Variants in MAS1 observed in about 807,000 individuals in gnomAD.
MAS1 encodes the protein MAS1 proto-oncogene, G protein-coupled receptor.
For missense variants in MAS1, 387 were observed against 409.7 expected (o/e 0.94, Z 0.48); for synonymous variants, 163 against 164.2 (o/e 0.99, Z 0.05).
Position 159,917,369 on chromosome 6 carries a change from A to G in MAS1, c.*9436A>G, listed in dbSNP as rs1783039985. On this transcript the variant is annotated 3_prime_UTR_variant, in exon 3 of 3. Transcript: ENST00000674077. ...CTCAGGGACCATTTTGTTCACTTGT[A>G]TCAAACTATATTCTCTGGATTCAGA... 6.6e-6 allele frequency among the ~76,000 whole-genome samples: 1 copy of G among 152,226 alleles called. No homozygotes were observed. Among genetic ancestry groups the G allele is most frequent in the African/African-American group, 2.4e-5 (1 of 41,458 alleles).
At position 159,911,261 on chromosome 6, in the gene MAS1, A is replaced by C. The variant is rs1359939253; in HGVS notation, c.*3328A>C. ...AATCATCTAATGGACTTTTTGACCC[A>C]ATGTCCTGCAGGTGCTTGTAACCCA... On this transcript the variant is annotated 3_prime_UTR_variant, in exon 3 of 3. Coordinates refer to ENST00000674077, the MANE Select transcript of MAS1 (RefSeq NM_002377.4). The C allele has an allele frequency of 2.0e-5, 3 of 151,028 alleles. No individual in the cohort carries two copies. Among genetic ancestry groups the C allele is most frequent in the Non-Finnish European group, 2.9e-5 (2 of 67,986 alleles). 9.4% of individuals were successfully genotyped at this position (151,028 alleles called of 1,614,324 possible).
In MAS1 at chr6:159,914,332, T is replaced by C. The variant is rs1782997401; in HGVS notation, c.*6399T>C. ...GTCGATCCCCGTGCAATTGAGAAGA[T>C]AGTCACCTCTGACAGTTTTTTAAGG... is the stretch of plus-strand genomic sequence containing the variant. On this transcript the variant is annotated 3_prime_UTR_variant, in exon 3 of 3. Transcript: ENST00000674077. The C allele has an allele frequency of 6.6e-6, 1 of 152,184 alleles. No individual in the cohort carries two copies. The highest frequency in any genetic ancestry group is 2.1e-4 in the South Asian group (1 of 4,816). The allele number at this position is 152,184 out of a possible 1,614,324, so 9.4% of individuals were successfully genotyped here.
At chr6:159,896,480 C>G (rs538523263) in intron 1 of MAS1, among the ~76,000 whole-genome samples, 6 of 151,988 alleles carry the variant, frequency 3.9e-5, no homozygotes, top group African/African-American at 1.5e-4. Context: ...TAAAAACGAG[C>G]GTGTGTAAGA....
upstream of MAS1, among the ~76,000 whole-genome samples, chr6:159,890,524 T>A (rs1306845891): frequency 6.6e-6 from 1 of 152,204 alleles, no homozygotes; most frequent in Non-Finnish European, 1.5e-5. Context: ...GAAACTGGGT[T>A]GGAGAAGGGA....
intron 1 of MAS1, among the ~76,000 whole-genome samples, chr6:159,893,860 G>A (rs1180169926): frequency 6.6e-6 from 1 of 152,080 alleles, no homozygotes; most frequent in Non-Finnish European, 1.5e-5. Flanking sequence ...AAGGAACCAG[G>A]GCTCCTTGGA....
intron 1 of MAS1, among the ~76,000 whole-genome samples, chr6:159,898,668 T>TCCTCTCCCTCCTCCTC (rs1782788432): frequency 2.1e-5 from 1 of 48,470 alleles, no homozygotes; most frequent in Admixed American, 2.5e-4. Context: ...CCCTCCTCCT[T>TCCTCTCCCTCCTCCTC]CCTCTTCCTC....
chr6:159,892,915 T>C (rs928614455), intron 1 of MAS1, among the ~76,000 whole-genome samples: 1 of 152,200 alleles, frequency 6.6e-6, no homozygotes, highest in African/African-American at 2.4e-5. Context: ...AATGCCAGCA[T>C]GTGAAGCAGT....
At chr6:159,889,349 C>T (rs1407554718), upstream of MAS1, among the ~76,000 whole-genome samples, 1 of 152,204 alleles carries the variant, frequency 6.6e-6, no homozygotes, top group Admixed American at 6.5e-5. Flanking sequence ...CAGGGTTTCA[C>T]AGCACCCATG....
At chr6:159,896,800 T>C (rs1232168556) in intron 1 of MAS1, among the ~76,000 whole-genome samples, 1 of 152,174 alleles carries the variant, frequency 6.6e-6, no homozygotes, top group Non-Finnish European at 1.5e-5. Flanking sequence ...CCAGCTAAAC[T>C]AGAGACCAGA....
rs1451296023 is a variant in MAS1, at chr6:159,908,551, A to G, written c.*618A>G. The G allele has an allele frequency of 1.4e-5, 2 of 146,822 alleles. No individual in the cohort carries two copies. The highest frequency in any genetic ancestry group is 2.0e-4 in the East Asian group (1 of 4,962). The allele number at this position is 146,822 out of a possible 1,614,324, so 9.1% of individuals were successfully genotyped here. A position where few individuals can be genotyped will look rare whatever the true frequency, so the allele number is the denominator to read the frequency against. On this transcript the variant is annotated 3_prime_UTR_variant, in exon 3 of 3. Coordinates refer to ENST00000674077, the MANE Select transcript of MAS1 (RefSeq NM_002377.4). ...CACACACACACACACACACAGCTCT[A>G]TCATGTACAGAAGTTATTATGTGTT...
At chr6:159,893,287 G>A (rs898177488) in intron 1 of MAS1, among the ~76,000 whole-genome samples, 2 of 152,234 alleles carry the variant, frequency 1.3e-5, no homozygotes, top group African/African-American at 4.8e-5. Context: ...GACATGGCAG[G>A]GGATGTCAGT....
chr6:159,906,978 C>A lies in MAS1; in HGVS notation c.23C>A (p.Ser8Ter). The A allele has an allele frequency of 6.2e-7, 1 of 1,608,046 alleles. No homozygotes were observed. Among genetic ancestry groups the A allele is most frequent in the Non-Finnish European group, 8.5e-7 (1 of 1,174,914 alleles). The change falls in exon 3 of 3, where the codon TCA becomes TAA. Residue 8 changes from serine to a stop codon, truncating the protein, a stop_gained. Coordinates refer to ENST00000674077, the MANE Select transcript of MAS1 (RefSeq NM_002377.4). LOFTEE classifies it low-confidence loss of function (END_TRUNC). Reference sequence around the variant, plus strand: ...CTCATGGATGGGTCAAACGTGACATCATTTGTTGTTGAGGAACCCACGAAC... The same window carrying A: ...CTCATGGATGGGTCAAACGTGACATAATTTGTTGTTGAGGAACCCACGAAC... MDGSNVT[S>*]FVVEEPTNIS...
At chr6:159,891,800 T>A (rs111451919) in intron 1 of MAS1, among the ~76,000 whole-genome samples, 1 of 152,168 alleles carries the variant, frequency 6.6e-6, no homozygotes, top group Admixed American at 6.5e-5. Context: ...GGTGAGAGAA[T>A]GTATAGTGTG....
intron 1 of MAS1, among the ~76,000 whole-genome samples, chr6:159,891,448 A>G (rs1479270226): frequency 2.0e-5 from 3 of 152,188 alleles, no homozygotes; most frequent in Non-Finnish European, 4.4e-5. Flanking sequence ...TCTTAGGATC[A>G]ATTCACAGTT....
In MAS1 at chr6:159,908,276, G is replaced by A; in HGVS notation, c.*343G>A. 1 of 173,408 alleles carries A rather than the reference G, an allele frequency of 5.8e-6. No homozygotes were observed. The highest frequency in any genetic ancestry group is 1.2e-5 in the Non-Finnish European group (1 of 81,806). 10.7% of individuals were successfully genotyped at this position (173,408 alleles called of 1,614,324 possible). ...AGGAGGCAGCTTGATGTAGCAGGAA[G>A]AACAAGGGTCGCTTCCTGTGTGACC... On this transcript the variant is annotated 3_prime_UTR_variant, in exon 3 of 3. Coordinates refer to ENST00000674077, the MANE Select transcript of MAS1 (RefSeq NM_002377.4).
rs768348575 is a variant in MAS1 at position 159,907,026 on chromosome 6, C to T, written c.71C>T (p.Ser24Leu). Residue 24 changes from serine (S) to leucine (L), a missense_variant, in exon 3 of 3, where the codon TCA becomes TTA. Ser to Leu is a moderately radical substitution (Grantham distance 145). Coordinates refer to ENST00000674077, the MANE Select transcript of MAS1 (RefSeq NM_002377.4). ...AACATCTCAACTGGCAGGAACGCCT[C>T]AGTCGGGAATGCACATCGGCAAATC... ...PTNISTGRNA[S>L]VGNAHRQIPI... is the part of the protein sequence containing the mutation. 1 of 1,613,852 alleles carries T rather than the reference C, an allele frequency of 6.2e-7. No homozygotes were observed. The highest frequency in any genetic ancestry group is 8.5e-7 in the Non-Finnish European group (1 of 1,179,752).
At position 159,910,257 on chromosome 6, in the gene MAS1, A is replaced by G. The variant is rs1306151838; in HGVS notation, c.*2324A>G. ...TCATGCACAGCCTTCTCTGCAGAAC[A>G]CCATGATGTGGACAAGGCAAAGACG... On this transcript the variant is annotated 3_prime_UTR_variant, in exon 3 of 3. Transcript: ENST00000674077. The G allele has an allele frequency of 1.3e-5, 2 of 152,230 alleles. No homozygotes were observed. Among genetic ancestry groups the G allele is most frequent in the African/African-American group, 4.8e-5 (2 of 41,456 alleles). 9.4% of individuals were successfully genotyped at this position (152,230 alleles called of 1,614,324 possible). A position where few individuals can be genotyped will look rare whatever the true frequency, so the allele number is the denominator to read the frequency against.
chr6:159,894,090 G>A (rs1019582729), intron 1 of MAS1, among the ~76,000 whole-genome samples: 1 of 152,152 alleles, frequency 6.6e-6, no homozygotes, highest in Non-Finnish European at 1.5e-5. Context: ...ATGCTGGGGA[G>A]ATGTGTGAGC....
chr6:159,904,917 T>G (rs182255883), intron 2 of MAS1, among the ~76,000 whole-genome samples: 1 of 152,136 alleles, frequency 6.6e-6, no homozygotes, highest in African/African-American at 2.4e-5. Context: ...GGAATACTTT[T>G]CCCCCAAGAA....
Sources: gnomAD v4.1 joint callset for allele counts (sites outside exome capture counted in the v4.1 genomes callset) on GRCh38, gnomAD v4.1.1 for gene constraint, MANE v1.5 for transcripts, NCBI Gene and HGNC (gene_info 2026-07-23, HGNC 2026-07-21) for gene names.